Variants in ACVR1C observed in about 807,000 individuals in gnomAD.
ACVR1C encodes the protein activin receptor type-1C.
Under a neutral mutation model 57.9 loss-of-function variants are expected in ACVR1C, and 23 were observed. The ratio of observed to expected loss-of-function variants is 0.40; its 90% CI spans 0.29 to 0.56. The LOEUF is 0.56. ACVR1C is among the 20% of genes least tolerant of loss of function. The pLI is 0.50. For missense variants in ACVR1C, 480 were observed against 607.9 expected, an observed-to-expected ratio of 0.79 and a Z score of 2.21; for synonymous variants, 214 against 215.3, an observed-to-expected ratio of 0.99 and a Z score of 0.05.
intron 2 of ACVR1C, among the ~76,000 whole-genome samples, chr2:157,556,597 A>T (rs1386531384): frequency 1.3e-5 from 2 of 149,328 alleles, no homozygotes; most frequent in Non-Finnish European, 3.0e-5. Flanking sequence ...CTGTTTTAGG[A>T]TCTCTGAAGC....
chr2:157,608,795 T>C (rs1244909030), intron 1 of ACVR1C, among the ~76,000 whole-genome samples: 2 of 151,980 alleles, frequency 1.3e-5, no homozygotes, highest in Admixed American at 6.6e-5. Flanking sequence ...GATGGTCTTT[T>C]GTATTTTTGT....
intron 3 of ACVR1C, among the ~76,000 whole-genome samples, chr2:157,554,648 T>A (rs1469936028): frequency 6.6e-6 from 1 of 152,224 alleles, no homozygotes; most frequent in Admixed American, 6.5e-5. Context: ...ATTATGCTTT[T>A]CTTTTCTGAT....
At chr2:157,554,225 A>G (rs567685965) in intron 3 of ACVR1C, among the ~76,000 whole-genome samples, 28 of 122,962 alleles carry the variant, frequency 2.3e-4, no homozygotes, top group East Asian at 8.6e-4. Flanking sequence ...GAAAGAAAGA[A>G]AGAAAGAAAG....
In ACVR1C at chr2:157,533,019, C is replaced by A. The variant is rs375358786; in HGVS notation, c.*899G>T. On this transcript the variant is annotated 3_prime_UTR_variant, in exon 9 of 9. Coordinates refer to ENST00000243349, the MANE Select transcript of ACVR1C (RefSeq NM_145259.3). Reference sequence around the variant, plus strand: ...ATATTTCTATGAGAAAAAATGTCAACAGATATGGTTCTGAGATTTTGTGCG... The same window carrying A: ...ATATTTCTATGAGAAAAAATGTCAAAAGATATGGTTCTGAGATTTTGTGCG... 15 of 152,114 alleles carry A rather than the reference C, an allele frequency of 9.9e-5. No individual in the cohort carries two copies. Among genetic ancestry groups the A allele is most frequent in the African/African-American group, 3.1e-4 (13 of 41,420 alleles). The allele number at this position is 152,114 out of a possible 1,614,324, so 9.4% of individuals were successfully genotyped here.
rs920270257 is a variant in ACVR1C, at chr2:157,527,981, T to C, written c.*5937A>G. ...ACCAACATGATAAACAATCAATTTCTCTTCTCTCAGGAATGCCAGGATGAA... is the reference window on the plus strand; with the variant it reads ...ACCAACATGATAAACAATCAATTTCCCTTCTCTCAGGAATGCCAGGATGAA... On this transcript the variant is annotated 3_prime_UTR_variant, in exon 9 of 9. Transcript: ENST00000243349. The C allele has an allele frequency of 4.6e-5, 7 of 152,176 alleles. No individual in the cohort carries two copies. Among genetic ancestry groups the C allele is most frequent in the African/African-American group, 1.7e-4 (7 of 41,444 alleles). The allele number at this position is 152,176 out of a possible 1,614,324, so 9.4% of individuals were successfully genotyped here.
chr2:157,534,614 T>C (rs1291471345), intron 8 of ACVR1C, among the ~76,000 whole-genome samples: 2 of 152,276 alleles, frequency 1.3e-5, no homozygotes, highest in Middle Eastern at 3.4e-3. Context: ...ATGTAAATTA[T>C]ACTACAATAA....
intron 1 of ACVR1C, among the ~76,000 whole-genome samples, chr2:157,619,130 G>A (rs1037294022): frequency 2.0e-5 from 3 of 151,606 alleles, no homozygotes; most frequent in Non-Finnish European, 4.4e-5. Context: ...GTATTCACGA[G>A]GTCAGACATG....
At chr2:157,566,668 C>T (rs936830935) in intron 2 of ACVR1C, among the ~76,000 whole-genome samples, 1 of 151,720 alleles carries the variant, frequency 6.6e-6, no homozygotes, top group Non-Finnish European at 1.5e-5. Context: ...TAAGAAACGG[C>T]GCACCACGAG....
At chr2:157,581,771 C>T (rs545018947) in intron 2 of ACVR1C, among the ~76,000 whole-genome samples, 10 of 152,294 alleles carry the variant, frequency 6.6e-5, no homozygotes, top group South Asian at 4.1e-4. Context: ...GGTCACCTCC[C>T]GACCTTTCTT....
intron 1 of ACVR1C, among the ~76,000 whole-genome samples, chr2:157,619,150 A>G (rs1682713331): frequency 6.6e-6 from 1 of 151,926 alleles, no homozygotes; most frequent in Non-Finnish European, 1.5e-5. Flanking sequence ...GTGCCAGACT[A>G]TAAAACAAAC....
rs537072781 is a variant in ACVR1C, at chr2:157,575,733, G to A, written c.304+11454C>T. Reference sequence around the variant, plus strand: ...CCAGCTAAAAAGTCTAAGTTCTCCCGTGAAATGGGTATGGAAGAAAACCAG... The same window carrying A: ...CCAGCTAAAAAGTCTAAGTTCTCCCATGAAATGGGTATGGAAGAAAACCAG... On this transcript the variant is annotated intron_variant, in intron 2 of 8. Coordinates refer to ENST00000243349, the MANE Select transcript of ACVR1C (RefSeq NM_145259.3). Among the ~76,000 whole-genome samples, 17 of 152,250 alleles carry A rather than the reference G, an allele frequency of 1.1e-4. No individual in the cohort carries two copies. In the South Asian group the frequency reaches 1.2e-3, roughly 11 times the overall value.
chr2:157,539,809 C>T (rs1479391005), intron 7 of ACVR1C, among the ~76,000 whole-genome samples: 1 of 152,204 alleles, frequency 6.6e-6, no homozygotes, highest in Non-Finnish European at 1.5e-5. Context: ...CCATGTTCGG[C>T]ACCACTATAA....
intron 3 of ACVR1C, among the ~76,000 whole-genome samples, chr2:157,554,215 G>GAA (rs1553481333): frequency 1.3e-5 from 1 of 74,080 alleles, no homozygotes; most frequent in Admixed American, 1.4e-4. Context: ...AAGAAAGAAA[G>GAA]AAAGAAAGAA....
intron 8 of ACVR1C, among the ~76,000 whole-genome samples, chr2:157,535,892 C>T (rs1687474437): frequency 6.6e-6 from 1 of 152,226 alleles, no homozygotes. Context: ...CTTCTCTGCC[C>T]TGACTCCTCA....
At chr2:157,595,226 A>G (rs773992148) in intron 1 of ACVR1C, among the ~76,000 whole-genome samples, 1 of 152,254 alleles carries the variant, frequency 6.6e-6, no homozygotes, top group African/African-American at 2.4e-5. Flanking sequence ...ATTCTTAGAT[A>G]GGAAGATGGC....
chr2:157,543,184 T>C (rs377740359), intron 5 of ACVR1C, among the ~76,000 whole-genome samples: 14 of 152,222 alleles, frequency 9.2e-5, no homozygotes, highest in African/African-American at 3.1e-4. Context: ...CATAAGAACA[T>C]GGCAAATATT....
intron 5 of ACVR1C, among the ~76,000 whole-genome samples, chr2:157,543,248 T>C (rs1356163304): frequency 6.6e-6 from 1 of 152,212 alleles, no homozygotes; most frequent in African/African-American, 2.4e-5. Context: ...CAGTTCTCAA[T>C]TGTAGCCAAA....
At chr2:157,556,023 T>C in intron 3 of ACVR1C, 70 bp downstream of exon 3, 13 of 1,503,408 alleles carry the variant, frequency 8.6e-6, no homozygotes, top group Non-Finnish European at 1.2e-5. Context: ...CCCTTTTTGT[T>C]AAAAAGTTTT....
intron 1 of ACVR1C, among the ~76,000 whole-genome samples, chr2:157,597,103 C>A (rs1682143569): frequency 6.6e-6 from 1 of 152,150 alleles, no homozygotes; most frequent in Non-Finnish European, 1.5e-5. Flanking sequence ...CCCAGCCCAT[C>A]CTCTCAGTAG....
Sources: gnomAD v4.1 joint callset for allele counts (sites outside exome capture counted in the v4.1 genomes callset) on GRCh38, gnomAD v4.1.1 for gene constraint, MANE v1.5 for transcripts, NCBI Gene and HGNC (gene_info 2026-07-23, HGNC 2026-07-21) for gene names.